The following TENT4B variants were observed in gnomAD, a reference collection of about 807,000 sequenced individuals.
The protein encoded by TENT4B is terminal nucleotidyltransferase 4B.
Under a neutral mutation model 75.0 loss-of-function variants are expected in TENT4B, and 10 were observed. The observed-to-expected ratio is 0.13, with a 90% CI of 0.08 to 0.23. The LOEUF is 0.23. TENT4B is among the 10% of genes least tolerant of loss of function. The pLI is 1.00. For synonymous variants in TENT4B, 350 were observed against 357.7 expected (o/e 0.98, Z 0.24); for missense variants, 579 against 893.8 (o/e 0.65, Z 4.49).
intron 1 of TENT4B, 93 bp downstream of exon 1, chr16:50,154,352 G>C: frequency 7.4e-7 from 1 of 1,350,674 alleles, no homozygotes; most frequent in Non-Finnish European, 9.5e-7. Context: ...GTCTAGGAGC[G>C]GCCACCCCCA....
chr16:50,204,584 C>T (rs1334630694), intron 1 of TENT4B, among the ~76,000 whole-genome samples: 1 of 152,096 alleles, frequency 6.6e-6, no homozygotes, highest in South Asian at 2.1e-4. Context: ...GATCCATCTG[C>T]AGTCTCCTGA....
At chr16:50,214,574 T>C (rs1462170056) in intron 3 of TENT4B, among the ~76,000 whole-genome samples, 3 of 152,166 alleles carry the variant, frequency 2.0e-5, no homozygotes, top group Admixed American at 6.5e-5. Flanking sequence ...GAGAATTGCT[T>C]GAACCCGGGA....
At chr16:50,155,947 A>AT (rs941102443) in intron 1 of TENT4B, among the ~76,000 whole-genome samples, 264 of 150,002 alleles carry the variant, frequency 1.8e-3, no homozygotes, top group African/African-American at 5.7e-3. Context: ...CAAGATGCTT[A>AT]TTTTTTTTTT....
chr16:50,193,738 T>TGAG (rs1192325215), intron 1 of TENT4B, among the ~76,000 whole-genome samples: 2 of 152,046 alleles, frequency 1.3e-5, no homozygotes, highest in Non-Finnish European at 2.9e-5. Flanking sequence ...ATGTAGGTAA[T>TGAG]GAGGAGGAGT....
rs1169087705 is a variant in TENT4B at position 50,234,052 on chromosome 16, G to A, written c.*4724G>A. 1.0e-6 allele frequency: 1 copy of A among 985,330 alleles called. No individual in the cohort carries two copies. Among genetic ancestry groups the A allele is most frequent in the African/African-American group, 1.7e-5 (1 of 57,228 alleles). The allele number at this position is 985,330 out of a possible 1,614,324, so 61.0% of individuals were successfully genotyped here. A position where few individuals can be genotyped will look rare whatever the true frequency, so the allele number is the denominator to read the frequency against. On this transcript the variant is annotated 3_prime_UTR_variant, in exon 12 of 12. Transcript: ENST00000561678. Reference sequence around the variant, plus strand: ...AGCTTCTGTGTGGCCTGGTAACATGGAAGGTCTCTCCTAAGGACAGTCTGG... The same window carrying A: ...AGCTTCTGTGTGGCCTGGTAACATGAAAGGTCTCTCCTAAGGACAGTCTGG...
In TENT4B at chr16:50,227,925, C is replaced by T. The variant is rs2032128427; in HGVS notation, c.1887C>T (p.Ser629=). ...ACCGAGTAGGGTCGCAAGATGTATC[C>T]TTGGAGTCCTCTCAGGCAGTTGGGA... is the stretch of plus-strand genomic sequence containing the variant. ...TGNRVGSQDV[S]LESSQAVGKM... Residue 629 remains serine (S), a synonymous_variant, in exon 11 of 12, where the codon TCC becomes TCT. Coordinates refer to ENST00000561678, the MANE Select transcript of TENT4B (RefSeq NM_001365324.3). The T allele has an allele frequency of 1.2e-5, 19 of 1,613,886 alleles. No individual in the cohort carries two copies. Among genetic ancestry groups the T allele is most frequent in the Non-Finnish European group, 1.6e-5 (19 of 1,179,906 alleles).
intron 1 of TENT4B, among the ~76,000 whole-genome samples, chr16:50,197,567 G>A (rs1029142643): frequency 6.6e-6 from 1 of 152,186 alleles, no homozygotes; most frequent in African/African-American, 2.4e-5. Context: ...GGGATTACAG[G>A]CGTGAGCCAC....
At position 50,232,212 on chromosome 16, in the gene TENT4B, G is replaced by T. The variant is rs967507509; in HGVS notation, c.*2884G>T. ...CCAGCTTTAAGGTGACTGTGAAGGT[G>T]CCTGGTTTTGAATGTCTTTGTTTGG... On this transcript the variant is annotated 3_prime_UTR_variant, in exon 12 of 12. Coordinates refer to ENST00000561678, the MANE Select transcript of TENT4B (RefSeq NM_001365324.3). 4 of 984,974 alleles carry T rather than the reference G, an allele frequency of 4.1e-6. No individual in the cohort carries two copies. The African/African-American group carries it at 5.2e-5, about 13-fold the overall frequency. 61.0% of individuals were successfully genotyped at this position (984,974 alleles called of 1,614,324 possible).
intron 1 of TENT4B, among the ~76,000 whole-genome samples, chr16:50,187,595 G>A (rs1242460085): frequency 6.6e-6 from 1 of 152,060 alleles, no homozygotes; most frequent in Non-Finnish European, 1.5e-5. Flanking sequence ...GGGGTGGGGG[G>A]TAAAAGTCAA....
At chr16:50,168,978 G>A (rs944388941) in intron 1 of TENT4B, among the ~76,000 whole-genome samples, 1 of 152,108 alleles carries the variant, frequency 6.6e-6, no homozygotes, top group South Asian at 2.1e-4. Flanking sequence ...ATAGTTCTTT[G>A]TGTATCTTTA....
chr16:50,154,418 A>C (rs1597211317), intron 1 of TENT4B, among the ~76,000 whole-genome samples, 159 bp downstream of exon 1: 4 of 144,654 alleles, frequency 2.8e-5, no homozygotes, highest in Admixed American at 6.8e-5. Flanking sequence ...CCAACCCCCC[A>C]GTCGTTCACA....
At chr16:50,202,347 A>G (rs1474624218) in intron 1 of TENT4B, among the ~76,000 whole-genome samples, 1 of 152,376 alleles carries the variant, frequency 6.6e-6, no homozygotes, top group East Asian at 1.9e-4. Context: ...ACTAAAGGTA[A>G]ACAACAAATG....
At chr16:50,224,815 T>C (rs1351654538) in intron 8 of TENT4B, 32 bp downstream of exon 8, 1 of 1,613,040 alleles carries the variant, frequency 6.2e-7, no homozygotes, top group Non-Finnish European at 8.5e-7. Flanking sequence ...GCCCATTGTG[T>C]CAAAATTAGT....
chr16:50,174,091 G>C (rs1013233456), intron 1 of TENT4B, among the ~76,000 whole-genome samples: 3 of 151,982 alleles, frequency 2.0e-5, no homozygotes, highest in African/African-American at 7.2e-5. Context: ...TATTGCTTCT[G>C]GGGTTCTTTT....
At chr16:50,171,535 A>G (rs1348280036) in intron 1 of TENT4B, among the ~76,000 whole-genome samples, 1 of 152,184 alleles carries the variant, frequency 6.6e-6, no homozygotes, top group Non-Finnish European at 1.5e-5. Context: ...CCAGATAGTC[A>G]TGGATTTTTC....
rs534263986 is a variant in TENT4B, at chr16:50,194,699, C to T, written c.639-16624C>T. ...CCTCCACCCCCACCCGCTCCTTTCCCCCACAGTAGCTGGAACTACAGGCGC... is the reference window on the plus strand; with the variant it reads ...CCTCCACCCCCACCCGCTCCTTTCCTCCACAGTAGCTGGAACTACAGGCGC... On this transcript the variant is annotated intron_variant, in intron 1 of 11. Coordinates refer to ENST00000561678, the MANE Select transcript of TENT4B (RefSeq NM_001365324.3). Among the ~76,000 whole-genome samples, 4 of 151,742 alleles carry T rather than the reference C, an allele frequency of 2.6e-5. No individual in the cohort carries two copies. In the East Asian group the frequency reaches 7.7e-4, roughly 29 times the overall value.
At chr16:50,209,624 A>G (rs1304314360) in intron 1 of TENT4B, among the ~76,000 whole-genome samples, 1 of 152,128 alleles carries the variant, frequency 6.6e-6, no homozygotes, top group Non-Finnish European at 1.5e-5. Context: ...TCCTCTACGA[A>G]AGGCCCAGGT....
In TENT4B at chr16:50,223,196, G is replaced by T; in HGVS notation, c.1190G>T (p.Cys397Phe). ...FLQLHPREDA[C>F]IPNTNYGVLL... ...TAGTTACATCCCAGGGAAGATGCTT[G>T]CATCCCCAATACAAACTATGGTGTT... The change falls in exon 7 of 12, where the codon TGC becomes TTC. Residue 397 changes from cysteine (C) to phenylalanine (F), a missense_variant. Coordinates refer to ENST00000561678, the MANE Select transcript of TENT4B (RefSeq NM_001365324.3). 1 of 1,609,718 alleles carries T rather than the reference G, an allele frequency of 6.2e-7. No individual in the cohort carries two copies. Among genetic ancestry groups the T allele is most frequent in the Non-Finnish European group, 8.5e-7 (1 of 1,177,536 alleles).
At position 50,164,861 on chromosome 16, in the gene TENT4B, G is replaced by C. The variant is rs116023052; in HGVS notation, c.638+10602G>C. ...GAGTCCAGGAGTTCAAGAGCAGCTTGGGTGACATGGTGAAACTCCGTCTCT... is the reference window on the plus strand; with the variant it reads ...GAGTCCAGGAGTTCAAGAGCAGCTTCGGTGACATGGTGAAACTCCGTCTCT... On this transcript the variant is annotated intron_variant, in intron 1 of 11. Coordinates refer to ENST00000561678, the MANE Select transcript of TENT4B (RefSeq NM_001365324.3). Among the ~76,000 whole-genome samples, 1,023 of 151,890 alleles carry C rather than the reference G, an allele frequency of 6.7e-3. 10 individuals are homozygous for C. The highest frequency in any genetic ancestry group is 0.024 in the African/African-American group (979 of 41,396).
Sources: gnomAD v4.1 joint callset for allele counts (sites outside exome capture counted in the v4.1 genomes callset) on GRCh38, gnomAD v4.1.1 for gene constraint, MANE v1.5 for transcripts, NCBI Gene and HGNC (gene_info 2026-07-23, HGNC 2026-07-21) for gene names.